UPRT: variants seen among roughly 807,000 people sequenced by gnomAD.
UPRT encodes the protein RP11-311P8.3.
A neutral mutation model predicts 22.6 loss-of-function variants in UPRT; 5 were observed. The observed-to-expected ratio is 0.22, with a 90% CI of 0.12 to 0.47. The LOEUF is 0.47. Ranked by LOEUF, UPRT falls within the 20% of genes least tolerant of loss-of-function variation. UPRT has a pLI of 0.99. For synonymous variants in UPRT, 77 were observed against 87.7 expected (o/e 0.88, Z 0.68); for missense variants, 181 against 239.9 (o/e 0.75, Z 1.62).
intron 4 of UPRT, among the ~76,000 whole-genome samples, chrX:75,263,765 G>C (rs2082577071): frequency 9.1e-6 from 1 of 110,216 alleles, no homozygotes; most frequent in Admixed American, 9.8e-5. Flanking sequence ...GCTAGCTTTT[G>C]AATGTGTTTG....
chrX:75,287,052 A>G (rs1456099676), intron 1 of UPRT, among the ~76,000 whole-genome samples: 1 of 111,129 alleles, frequency 9.0e-6, no homozygotes, highest in Non-Finnish European at 1.9e-5. Flanking sequence ...TAATTTATGG[A>G]CCTTTTTTTA....
intron 4 of UPRT, among the ~76,000 whole-genome samples, chrX:75,248,927 T>C (rs892258814): frequency 5.4e-5 from 6 of 111,751 alleles, no homozygotes; most frequent in African/African-American, 2.0e-4. Context: ...AGAAAAGAAT[T>C]TTCAACCCAG....
intron 4 of UPRT, among the ~76,000 whole-genome samples, chrX:75,236,885 A>G (rs1377801301): frequency 8.9e-6 from 1 of 112,443 alleles, no homozygotes; most frequent in African/African-American, 3.2e-5. Context: ...GGACATAGGC[A>G]TGGCAAGGAC....
intron 1 of UPRT, among the ~76,000 whole-genome samples, chrX:75,157,272 A>G (rs944992169): frequency 8.9e-6 from 1 of 112,332 alleles, no homozygotes; most frequent in African/African-American, 3.2e-5. Context: ...CTTCTTATGA[A>G]GAGGTACTTT....
intron 4 of UPRT, among the ~76,000 whole-genome samples, chrX:75,214,883 A>T (rs1243740013): frequency 9.0e-6 from 1 of 110,897 alleles, no homozygotes; most frequent in Admixed American, 9.7e-5. Flanking sequence ...ACTGCCCTCA[A>T]GCCTGGGTGA....
rs189804562 is a variant in UPRT at position 75,249,851 on chromosome X, A to G, written c.-446-41173A>G. Among the ~76,000 whole-genome samples, 189 of 111,656 alleles carry G rather than the reference A, an allele frequency of 1.7e-3. 2 individuals carry two copies. Among genetic ancestry groups the G allele is most frequent in the African/African-American group, 5.7e-3 (176 of 30,786 alleles). On this transcript the variant is annotated intron_variant, in intron 4 of 13. Transcript: ENST00000652605. ...CAAATGTAAAAGAACAGAAATTATA[A>G]CAAACTGTCTCTCAGACCACAGTGC...
chrX:75,213,999 G>T (rs1200031589), intron 4 of UPRT, among the ~76,000 whole-genome samples: 1 of 111,646 alleles, frequency 9.0e-6, no homozygotes, highest in African/African-American at 3.3e-5. Context: ...CCAATTAAAG[G>T]GCACTTCATC....
intron 4 of UPRT, among the ~76,000 whole-genome samples, chrX:75,182,658 C>G (rs145924960): frequency 1.8e-5 from 2 of 111,609 alleles, no homozygotes; most frequent in Non-Finnish European, 3.8e-5. Flanking sequence ...ATAACAGTCT[C>G]TCTGTGTTTT....
chrX:75,288,834 C>G (rs1246869740), intron 1 of UPRT, among the ~76,000 whole-genome samples: 1 of 111,437 alleles, frequency 9.0e-6, no homozygotes, highest in Non-Finnish European at 1.9e-5. Context: ...GAAGTGCTAG[C>G]AAGAGCTATC....
intron 4 of UPRT, among the ~76,000 whole-genome samples, chrX:75,219,845 T>C (rs1373689347): frequency 1.8e-5 from 2 of 111,955 alleles, no homozygotes; most frequent in Non-Finnish European, 3.8e-5. Flanking sequence ...AACACCAGAC[T>C]TAATCTGCAC....
At chrX:75,163,546 C>T (rs1472501584) in intron 3 of UPRT, among the ~76,000 whole-genome samples, 5 of 111,340 alleles carry the variant, frequency 4.5e-5, no homozygotes, top group African/African-American at 1.3e-4. Context: ...ATGATAGTGG[C>T]CATCTTAGAA....
At chrX:75,249,886 G>A (rs146484636) in intron 4 of UPRT, among the ~76,000 whole-genome samples, 71,682 of 110,234 alleles carry the variant, frequency 0.65, 20,703 homozygotes, top group Non-Finnish European at 0.91. Context: ...CAATCAAACT[G>A]GAACTCAGGA....
At chrX:75,224,227 C>T (rs760891384) in intron 4 of UPRT, among the ~76,000 whole-genome samples, 1 of 111,221 alleles carries the variant, frequency 9.0e-6, no homozygotes, top group African/African-American at 3.3e-5. Context: ...CAAACTTTTC[C>T]TGTTAAATCC....
chrX:75,211,281 G>A (rs912037945), intron 4 of UPRT, among the ~76,000 whole-genome samples: 1 of 111,344 alleles, frequency 9.0e-6, no homozygotes, highest in African/African-American at 3.3e-5. Flanking sequence ...ACATAGGATA[G>A]CTGAGCTGGA....
intron 4 of UPRT, 28 bp from the exon 5 acceptor site, chrX:75,299,707 C>A (rs772661687): frequency 8.4e-7 from 1 of 1,188,194 alleles, no homozygotes; most frequent in South Asian, 1.9e-5. Flanking sequence ...TTCCCCTAAT[C>A]TTTTTTCTTT....
At chrX:75,178,377 G>A (rs774734958) in intron 4 of UPRT, among the ~76,000 whole-genome samples, 5 of 111,735 alleles carry the variant, frequency 4.5e-5, no homozygotes, top group East Asian at 5.7e-4. Context: ...ACCGCTCAGC[G>A]ATAGGCGATG....
At chrX:75,238,676 G>T (rs1461009661) in intron 4 of UPRT, among the ~76,000 whole-genome samples, 1 of 111,237 alleles carries the variant, frequency 9.0e-6, no homozygotes, top group Admixed American at 9.6e-5. Flanking sequence ...CTTTTCATCA[G>T]CACATGGAAC....
intron 4 of UPRT, among the ~76,000 whole-genome samples, chrX:75,264,066 C>T (rs983529780): frequency 8.9e-6 from 1 of 111,876 alleles, no homozygotes; most frequent in Admixed American, 9.6e-5. Flanking sequence ...AGTTTGATTG[C>T]ACTGTGGTCT....
intron 4 of UPRT, among the ~76,000 whole-genome samples, chrX:75,215,719 G>A (rs2082391073): frequency 9.0e-6 from 1 of 111,120 alleles, no homozygotes; most frequent in African/African-American, 3.3e-5. Flanking sequence ...TTACCTATTG[G>A]CTACTATGCT....
Sources: gnomAD v4.1 joint callset for allele counts (sites outside exome capture counted in the v4.1 genomes callset) on GRCh38, gnomAD v4.1.1 for gene constraint, MANE v1.5 for transcripts, NCBI Gene and HGNC (gene_info 2026-07-23, HGNC 2026-07-21) for gene names.